TSPAN11: variants seen among roughly 807,000 people sequenced by gnomAD.
The protein encoded by TSPAN11 is tetraspanin-11.
A neutral mutation model predicts 32.9 loss-of-function variants in TSPAN11; 29 were observed. That is an observed-to-expected ratio of 0.88 (90% CI 0.66 to 1.20). The LOEUF (loss-of-function observed/expected upper bound fraction) is 1.20. Ranked by LOEUF, TSPAN11 falls within the 50% of genes most tolerant of loss-of-function variation. TSPAN11 has a pLI of 0.00. For missense variants in TSPAN11, 283 were observed against 329.1 expected (o/e 0.86, Z 1.08); for synonymous variants, 140 against 141.3 (o/e 0.99, Z 0.07).
intron 3 of TSPAN11, among the ~76,000 whole-genome samples, chr12:30,965,439 A>G (rs1938710465): frequency 1.3e-5 from 2 of 152,018 alleles, no homozygotes; most frequent in Admixed American, 1.3e-4. Flanking sequence ...CAGCCCAAGA[A>G]AGAATACAGA....
chr12:31,009,680 C>T, the TSPAN11 span, among the ~76,000 whole-genome samples: 45,746 of 151,888 alleles, frequency 0.3, 7,776 homozygotes, highest in Non-Finnish European at 0.38. Flanking sequence ...GTCCGTCCAC[C>T]GCCACACAGA....
the TSPAN11 span, among the ~76,000 whole-genome samples, chr12:31,010,291 AT>A: frequency 2.0e-5 from 3 of 152,348 alleles, no homozygotes; most frequent in East Asian, 5.8e-4. Flanking sequence ...GGAGCTGACC[AT>A]TTAAATACAC....
chr12:30,950,978 C>T (rs1243061619), intron 1 of TSPAN11, among the ~76,000 whole-genome samples: 1 of 152,114 alleles, frequency 6.6e-6, no homozygotes, highest in Non-Finnish European at 1.5e-5. Flanking sequence ...ATATATGAAG[C>T]AAAAATTAAC....
At chr12:30,946,137 G>A (rs904922782) in intron 1 of TSPAN11, among the ~76,000 whole-genome samples, 11 of 152,112 alleles carry the variant, frequency 7.2e-5, no homozygotes, top group Admixed American at 5.2e-4. Context: ...GTGTGGTTCC[G>A]AGACAAGCAG....
At chr12:30,987,571 C>A (rs553066189) in intron 7 of TSPAN11, among the ~76,000 whole-genome samples, 3 of 152,210 alleles carry the variant, frequency 2.0e-5, no homozygotes, top group African/African-American at 7.2e-5. Flanking sequence ...CATGCCACTG[C>A]ACTCCAGGGC....
chr12:30,942,305 C>T (rs954154503), intron 1 of TSPAN11, among the ~76,000 whole-genome samples: 2 of 152,200 alleles, frequency 1.3e-5, no homozygotes, highest in African/African-American at 4.8e-5. Context: ...GGAGACAAAG[C>T]CAGCCCAGCA....
intron 2 of TSPAN11, among the ~76,000 whole-genome samples, chr12:30,955,785 G>A (rs1167802988): frequency 6.6e-6 from 1 of 152,128 alleles, no homozygotes; most frequent in African/African-American, 2.4e-5. Context: ...GTCCGTGTGT[G>A]TCTCTGTCTT....
chr12:30,980,274 G>A (rs561429494), intron 5 of TSPAN11, among the ~76,000 whole-genome samples: 106 of 152,348 alleles, frequency 7.0e-4, no homozygotes, highest in African/African-American at 2.5e-3. Flanking sequence ...CCTCAGAGCT[G>A]TCCTGTTCAA....
rs35071 is a variant in TSPAN11, at chr12:30,993,939, G to A, written c.*2024G>A. On this transcript the variant is annotated 3_prime_UTR_variant, in exon 8 of 8. Transcript: ENST00000546076. The stretch of plus-strand genomic sequence containing the variant: ...CCTGTGCACAGCCTTATCATTGAAG[G>A]CAGGCCCAGGACAGCCTGCCCCATC... The A allele has an allele frequency of 0.31, 46,664 of 152,190 alleles. 8,171 individuals are homozygous for A. Among genetic ancestry groups the A allele is most frequent in the East Asian group, 0.8 (4,128 of 5,148 alleles). The allele number at this position is 152,190 out of a possible 1,614,324, so 9.4% of individuals were successfully genotyped here. A position where few individuals can be genotyped will look rare whatever the true frequency, so the allele number is the denominator to read the frequency against.
chr12:31,015,588 G>A, the TSPAN11 span: 4 of 152,308 alleles, frequency 2.6e-5, no homozygotes, highest in African/African-American at 7.2e-5. This position sits in a 1 kb window ranked among gnomAD's most constrained non-coding sequence, Gnocchi z 4.9. Flanking sequence ...GAACCGCTGA[G>A]CAGCACATCC....
intron 7 of TSPAN11, among the ~76,000 whole-genome samples, chr12:30,987,998 G>A (rs1364151661): frequency 6.6e-6 from 1 of 152,252 alleles, no homozygotes; most frequent in East Asian, 1.9e-4. Flanking sequence ...CTGCAGGCTG[G>A]GGCAGAGGCT....
intron 3 of TSPAN11, among the ~76,000 whole-genome samples, chr12:30,973,334 G>T (rs1938891793): frequency 6.6e-6 from 1 of 152,252 alleles, no homozygotes; most frequent in African/African-American, 2.4e-5. Flanking sequence ...ACCATGCAAT[G>T]TGCTTGCAAG....
intron 1 of TSPAN11, among the ~76,000 whole-genome samples, chr12:30,941,581 C>T (rs759743321): frequency 6.6e-6 from 1 of 152,222 alleles, no homozygotes; most frequent in Non-Finnish European, 1.5e-5. Flanking sequence ...GAGCCCAGGT[C>T]CCTGGGTGTA....
rs765819261 is a variant in TSPAN11, at chr12:30,963,921, C to T, written c.180C>T (p.Ser60=). 4.3e-5 allele frequency: 69 copies of T among 1,613,770 alleles called. No individual in the cohort carries two copies. The highest frequency in any genetic ancestry group is 3.8e-4 in the East Asian group (17 of 44,894). ...SVLASSTFAA[S]AYILIFAGVL... ...TGGCCTCCAGCACCTTTGCCGCCTC[C>T]GCCTACATCCTCATCTTTGCGGGCG... is the stretch of plus-strand genomic sequence containing the variant. The change falls in exon 3 of 8, where the codon TCC becomes TCT. Residue 60 remains serine, a synonymous_variant. Coordinates refer to ENST00000546076, the MANE Select transcript of TSPAN11 (RefSeq NM_001370302.1).
chr12:30,969,602 A>G (rs543265842), intron 3 of TSPAN11, among the ~76,000 whole-genome samples: 35 of 152,318 alleles, frequency 2.3e-4, no homozygotes, highest in African/African-American at 7.9e-4. Context: ...CTCGGGATGC[A>G]GCGGGTGTAC....
rs1939125961 is a variant in TSPAN11 at position 30,983,003 on chromosome 12, C to T, written c.616-61C>T. On this transcript the variant is annotated intron_variant, in intron 6 of 7. Coordinates refer to ENST00000546076, the MANE Select transcript of TSPAN11 (RefSeq NM_001370302.1). The stretch of plus-strand genomic sequence containing the variant: ...GCCTCTGCTGCAGTGACAGCCCGCC[C>T]TCCGTCCCCACCCATGCCTGCTCCT... The T allele has an allele frequency of 1.9e-6, 3 of 1,545,252 alleles. No homozygotes were observed. In the Admixed American group the frequency reaches 5.5e-5, roughly 28 times the overall value.
intron 1 of TSPAN11, among the ~76,000 whole-genome samples, chr12:30,934,569 A>C (rs1040393396): frequency 1.3e-5 from 2 of 152,046 alleles, no homozygotes; most frequent in Non-Finnish European, 2.9e-5. Context: ...TCTGGCCTGC[A>C]TGTGGTCCAG....
intron 3 of TSPAN11, among the ~76,000 whole-genome samples, chr12:30,966,356 C>G (rs1445410196): frequency 6.6e-6 from 1 of 152,206 alleles, no homozygotes; most frequent in Non-Finnish European, 1.5e-5. Flanking sequence ...TGCACCTGGT[C>G]ACCCCAGCAG....
At chr12:31,009,750 A>C in the TSPAN11 span, among the ~76,000 whole-genome samples, 1 of 152,202 alleles carries the variant, frequency 6.6e-6, no homozygotes, top group African/African-American at 2.4e-5. Context: ...CTTTAGACGA[A>C]GCAGTGTCAT....
Sources: allele counts gnomAD v4.1 joint callset (sites outside exome capture counted in the v4.1 genomes callset), GRCh38; gene constraint gnomAD v4.1.1; non-coding constraint Gnocchi (gnomAD v3.1); transcripts MANE v1.5; gene names NCBI Gene and HGNC (gene_info 2026-07-23, HGNC 2026-07-21).